PCDHGB5: variants seen among roughly 807,000 people sequenced by gnomAD.
PCDHGB5 encodes the protein protocadherin gamma subfamily B, 5, also known as protocadherin gamma-B5.
In PCDHGB5, 48 loss-of-function variants were observed where a neutral mutation model predicts 62.9. That is an observed-to-expected ratio of 0.76 (90% CI 0.61 to 0.97). PCDHGB5 has a LOEUF of 0.97. Among genes scored for constraint, PCDHGB5 ranks in the 50% least tolerant of loss-of-function variants. The probability of loss-of-function intolerance (pLI) is 0.00; values close to 1 mark genes in which losing one functional copy is unlikely to be tolerated. For missense variants in PCDHGB5, 1,118 were observed against 1,198.6 expected (o/e 0.93, Z 0.99); for synonymous variants, 474 against 511.2 (o/e 0.93, Z 0.98).
At chr5:141,410,961 C>T (rs2095452770) in intron 1 of PCDHGB5, 1 of 178,096 alleles carries the variant, frequency 5.6e-6, no homozygotes, top group African/African-American at 2.5e-5. Flanking sequence ...TCAAGCGATT[C>T]TCCTGCCTCA....
At position 141,428,042 on chromosome 5, in the gene PCDHGB5, G is replaced by A; in HGVS notation, c.2397+27518G>A. The A allele has an allele frequency of 1.9e-6, 3 of 1,608,716 alleles. No individual in the cohort carries two copies. The South Asian group carries it at 3.3e-5, about 18-fold the overall frequency. On this transcript the variant is annotated intron_variant, in intron 1 of 3. Transcript: ENST00000617380. ...GCGCCGCAGAGTCCGGCTACCTGGT[G>A]ACCAAGGTGGTGGCGGTGGACGCAG...
chr5:141,487,404 C>T lies in PCDHGB5; in HGVS notation c.2398-7403C>T, dbSNP rs771371344. ...AGATCTCGAAGGAGGGAGGGGCTTC[C>T]CCCTTCCAATGGGATCCTCCGAATC... On this transcript the variant is annotated intron_variant, in intron 1 of 3. Transcript: ENST00000617380. The surrounding 1 kb of genome is among the most constrained non-coding windows in gnomAD (Gnocchi z 5.0). 2 of 1,614,178 alleles carry T rather than the reference C, an allele frequency of 1.2e-6. No homozygotes were observed. Among genetic ancestry groups the T allele is most frequent in the Non-Finnish European group, 8.5e-7 (1 of 1,180,032 alleles).
chr5:141,505,270 G>C, intron 2 of PCDHGB5, 123 bp from the exon 3 acceptor site: 1 of 1,520,726 alleles, frequency 6.6e-7, no homozygotes, highest in African/African-American at 1.4e-5. Context: ...CTTGCTGAGA[G>C]AAACAGGTCT....
chr5:141,402,816 C>T, intron 1 of PCDHGB5: 1 of 1,261,762 alleles, frequency 7.9e-7, no homozygotes, highest in South Asian at 1.7e-5. Flanking sequence ...ATACCACAAA[C>T]CTGCTCCCAG....
intron 1 of PCDHGB5, chr5:141,413,625 C>T (rs372855865): frequency 1.2e-6 from 2 of 1,613,854 alleles, no homozygotes; most frequent in Admixed American, 3.3e-5. Context: ...ATGAAAATGT[C>T]GCTGCGGGAA....
rs2096779089 is a variant in PCDHGB5, at chr5:141,423,760, G to GA, written c.2397+23236_2397+23237insA. On this transcript the variant is annotated intron_variant, in intron 1 of 3. Transcript: ENST00000617380. ...GTTATGAAAACTGTTTGGGGGGGGG[G>GA]TGGGGCGGCATATATTTAGTTCATA... 1.1e-5 allele frequency: 3 copies of GA among 279,664 alleles called. 1 individual carries two copies. Among genetic ancestry groups the GA allele is most frequent in the African/African-American group, 6.7e-5 (2 of 29,702 alleles). The allele number at this position is 279,664 out of a possible 1,614,324, so 17.3% of individuals were successfully genotyped here.
At chr5:141,496,080 C>G (rs2099765822) in intron 2 of PCDHGB5, among the ~76,000 whole-genome samples, 2 of 152,150 alleles carry the variant, frequency 1.3e-5, no homozygotes, top group East Asian at 1.9e-4. Context: ...ACACAACCCC[C>G]CACCCACCAC....
Position 141,432,097 on chromosome 5 carries a change from C to A in PCDHGB5, c.2397+31573C>A. The A allele has an allele frequency of 1.9e-6, 3 of 1,614,184 alleles. No individual in the cohort carries two copies. Among genetic ancestry groups the A allele is most frequent in the Non-Finnish European group, 1.7e-6 (2 of 1,180,034 alleles). On this transcript the variant is annotated intron_variant, in intron 1 of 3. Transcript: ENST00000617380. This position sits in a 1 kb window ranked among gnomAD's most constrained non-coding sequence, Gnocchi z 6.0. ...TCTCGCTGAACGTGGCAGACACCAA[C>A]GACAACCCGCCGGTCTTCCCTCAGG...
At chr5:141,430,595 G>T (rs549786394) in intron 1 of PCDHGB5, 3 of 567,018 alleles carry the variant, frequency 5.3e-6, no homozygotes, top group African/African-American at 1.9e-5. Context: ...CCTTGCACGC[G>T]CCTGAAGCAC....
intron 1 of PCDHGB5, chr5:141,478,541 G>T (rs905837179): frequency 1.2e-6 from 2 of 1,605,590 alleles, no homozygotes; most frequent in Non-Finnish European, 1.7e-6. Flanking sequence ...CGCCCCTCCC[G>T]GACAGGTAAG....
In PCDHGB5 at chr5:141,431,129, A is replaced by G. The variant is rs771219303; in HGVS notation, c.2397+30605A>G. The G allele has an allele frequency of 7.4e-6, 12 of 1,614,152 alleles. No homozygotes were observed. The Admixed American group carries it at 1.7e-4, about 22-fold the overall frequency. Reference sequence around the variant, plus strand: ...AATATATGGAGTAGAAGTAGAAGTAAGGGACATTAACGACAATGCGCCTTA... The same window carrying G: ...AATATATGGAGTAGAAGTAGAAGTAGGGGACATTAACGACAATGCGCCTTA... On this transcript the variant is annotated intron_variant, in intron 1 of 3. Coordinates refer to ENST00000617380, the MANE Select transcript of PCDHGB5 (RefSeq NM_018925.3). The surrounding 1 kb of genome is among the most constrained non-coding windows in gnomAD (Gnocchi z 4.8).
rs2097370658 is a variant in PCDHGB5 at position 141,431,413 on chromosome 5, C to T, written c.2397+30889C>T. The T allele has an allele frequency of 1.2e-6, 2 of 1,613,564 alleles. No homozygotes were observed. Among genetic ancestry groups the T allele is most frequent in the African/African-American group, 2.7e-5 (2 of 74,952 alleles). ...TGGTCCTTACGGCCTCCGACGGGGG[C>T]GACCCGGTGCGCACAGGCACCGCGC... On this transcript the variant is annotated intron_variant, in intron 1 of 3. Transcript: ENST00000617380. This position sits in a 1 kb window ranked among gnomAD's most constrained non-coding sequence, Gnocchi z 4.8.
intron 1 of PCDHGB5, chr5:141,475,986 G>T: frequency 2.8e-6 from 3 of 1,089,866 alleles, no homozygotes; most frequent in Non-Finnish European, 3.9e-6. Context: ...CAGCCGGCGA[G>T]CAAATCAACG....
Position 141,486,390 on chromosome 5 carries a change from C to T in PCDHGB5, c.2398-8417C>T. 6.2e-7 allele frequency: 1 copy of T among 1,614,138 alleles called. No homozygotes were observed. The highest frequency in any genetic ancestry group is 1.1e-5 in the South Asian group (1 of 91,084). On this transcript the variant is annotated intron_variant, in intron 1 of 3. Coordinates refer to ENST00000617380, the MANE Select transcript of PCDHGB5 (RefSeq NM_018925.3). This position sits in a 1 kb window ranked among gnomAD's most constrained non-coding sequence, Gnocchi z 5.0. ...AAGTCTGCCTTCAGGAACCAGTTCTCCCTGGTGACTGCTGGACCCTTGGAT... is the reference window on the plus strand; with the variant it reads ...AAGTCTGCCTTCAGGAACCAGTTCTTCCTGGTGACTGCTGGACCCTTGGAT...
Position 141,491,665 on chromosome 5 carries a change from C to T in PCDHGB5, c.2398-3142C>T, listed in dbSNP as rs749918160. 6.2e-7 allele frequency: 1 copy of T among 1,613,764 alleles called. No homozygotes were observed. The highest frequency in any genetic ancestry group is 8.5e-7 in the Non-Finnish European group (1 of 1,180,000). On this transcript the variant is annotated intron_variant, in intron 1 of 3. Transcript: ENST00000617380. The surrounding 1 kb of genome is among the most constrained non-coding windows in gnomAD (Gnocchi z 6.9). ...TCTGGCGCTGGAGCCTGACGCCATCCGGTCCCGCTCTAATACGCTGCGGGA... is the reference window on the plus strand; with the variant it reads ...TCTGGCGCTGGAGCCTGACGCCATCTGGTCCCGCTCTAATACGCTGCGGGA...
Position 141,489,427 on chromosome 5 carries a change from C to A in PCDHGB5, c.2398-5380C>A. ...AAAGATGACAGATCTGTTGAGCCGG[C>A]GGCTGCAATTGGGCTCTGAGGAGAA... On this transcript the variant is annotated intron_variant, in intron 1 of 3. Coordinates refer to ENST00000617380, the MANE Select transcript of PCDHGB5 (RefSeq NM_018925.3). This position sits in a 1 kb window ranked among gnomAD's most constrained non-coding sequence, Gnocchi z 4.5. The A allele has an allele frequency of 6.2e-7, 1 of 1,614,108 alleles. No individual in the cohort carries two copies. The highest frequency in any genetic ancestry group is 1.1e-5 in the South Asian group (1 of 91,086).
intron 1 of PCDHGB5, among the ~76,000 whole-genome samples, chr5:141,433,449 T>C (rs2097611087): frequency 6.6e-6 from 1 of 152,068 alleles, no homozygotes; most frequent in Non-Finnish European, 1.5e-5. Context: ...TTGAGCAGGC[T>C]GATCTGAAAC....
In PCDHGB5 at chr5:141,399,975, G is replaced by A. The variant is rs2093929990; in HGVS notation, c.1848G>A (p.Gly616=). 1.2e-6 allele frequency: 2 copies of A among 1,612,126 alleles called. No homozygotes were observed. The highest frequency in any genetic ancestry group is 2.2e-5 in the East Asian group (1 of 44,876). ...QASEPGLFSL[G]LRTGEVRTAR... Reference sequence around the variant, plus strand: ...GCGAGCCCGGGCTCTTCAGCCTGGGGCTGCGCACAGGAGAGGTGCGCACAG... The same window carrying A: ...GCGAGCCCGGGCTCTTCAGCCTGGGACTGCGCACAGGAGAGGTGCGCACAG... The change falls in exon 1 of 4, where the codon GGG becomes GGA. Residue 616 remains glycine, a synonymous_variant. Transcript: ENST00000617380.
chr5:141,413,441 T>A, intron 1 of PCDHGB5: 1 of 1,614,056 alleles, frequency 6.2e-7, no homozygotes, highest in South Asian at 1.1e-5. Context: ...GGCAGCTTGA[T>A]CACCGCGGGC....
Sources: allele counts gnomAD v4.1 joint callset (sites outside exome capture counted in the v4.1 genomes callset), GRCh38; gene constraint gnomAD v4.1.1; non-coding constraint Gnocchi (gnomAD v3.1); transcripts MANE v1.5; gene names NCBI Gene and HGNC (gene_info 2026-07-23, HGNC 2026-07-21).